Variants in ELFN1 observed in about 807,000 individuals in gnomAD.
The protein encoded by ELFN1 is protein ELFN1.
Under a neutral mutation model 7.6 loss-of-function variants are expected in ELFN1, and 6 were observed. That is an observed-to-expected ratio of 0.79 (90% CI 0.43 to 1.56). ELFN1 has a LOEUF of 1.56. ELFN1 is among the 40% of genes most tolerant of loss of function. The pLI is 0.01. For missense variants in ELFN1, 1,169 were observed against 1,232.2 expected (o/e 0.95, Z 0.77); for synonymous variants, 657 against 588.1 (o/e 1.12, Z -1.70).
intron 2 of ELFN1, among the ~76,000 whole-genome samples, chr7:1,707,588 C>T (rs1779562123): frequency 6.6e-6 from 1 of 152,230 alleles, no homozygotes; most frequent in Admixed American, 6.5e-5. Flanking sequence ...GAGCAAAGGC[C>T]TGGGGCAGAG....
intron 2 of ELFN1, among the ~76,000 whole-genome samples, chr7:1,698,332 C>T (rs1779360155): frequency 6.6e-6 from 1 of 152,236 alleles, no homozygotes. Flanking sequence ...TGGCAATTTT[C>T]TTTTCCTGCG....
rs745358632 is a variant in ELFN1, at chr7:1,745,877, C to T, written c.1281C>T (p.Phe427=). ...TCATGACCATCCTGGGCTGCCTCTT[C>T]GGCATGGTGCTGGTGCTGGGCGCCG... The part of the protein sequence containing the change: ...HYIMTILGCL[F]GMVLVLGAVY... The change falls in exon 4 of 4, where the codon TTC becomes TTT. Residue 427 remains phenylalanine (F), a synonymous_variant. Coordinates refer to ENST00000424383, the MANE Select transcript of ELFN1 (RefSeq NM_001128636.4). 4.7e-5 allele frequency: 75 copies of T among 1,591,744 alleles called. No homozygotes were observed. Among genetic ancestry groups the T allele is most frequent in the African/African-American group, 6.7e-5 (5 of 74,372 alleles).
chr7:1,702,862 G>C (rs955450658), intron 2 of ELFN1, among the ~76,000 whole-genome samples: 1 of 151,184 alleles, frequency 6.6e-6, no homozygotes, highest in Non-Finnish European at 1.5e-5. Flanking sequence ...TGCTGAATCA[G>C]AGTGGTGGCA....
rs997732252 is a variant in ELFN1, at chr7:1,705,718, C to T, written c.-455-3373C>T. 6.6e-6 allele frequency among the ~76,000 whole-genome samples: 1 copy of T among 152,244 alleles called. No individual in the cohort carries two copies. The highest frequency in any genetic ancestry group is 2.4e-5 in the African/African-American group (1 of 41,474). On this transcript the variant is annotated intron_variant, in intron 2 of 3. Coordinates refer to ENST00000424383, the MANE Select transcript of ELFN1 (RefSeq NM_001128636.4). The surrounding 1 kb of genome is among the most constrained non-coding windows in gnomAD (Gnocchi z 4.3). Reference sequence around the variant, plus strand: ...CAATTCAGTGGATGGCTTTGGGCCTCGGTTTCCTGTCCACAACATCCTGCA... The same window carrying T: ...CAATTCAGTGGATGGCTTTGGGCCTTGGTTTCCTGTCCACAACATCCTGCA...
intron 3 of ELFN1, among the ~76,000 whole-genome samples, chr7:1,713,103 G>GCT (rs1362260283): frequency 6.6e-6 from 1 of 152,144 alleles, no homozygotes; most frequent in Non-Finnish European, 1.5e-5. Flanking sequence ...GCTCCTCCAG[G>GCT]CTCACCACAG....
chr7:1,697,161 C>T (rs2128582801), intron 2 of ELFN1, among the ~76,000 whole-genome samples: 1 of 152,302 alleles, frequency 6.6e-6, no homozygotes, highest in Non-Finnish European at 1.5e-5. Context: ...GCAACTTGTG[C>T]CTCCCCAGGC....
At chr7:1,667,299 G>A (rs575796384), upstream of ELFN1, among the ~76,000 whole-genome samples, 1 of 152,122 alleles carries the variant, frequency 6.6e-6, no homozygotes, top group East Asian at 1.9e-4. The surrounding 1 kb of genome is among the most constrained non-coding windows in gnomAD (Gnocchi z 8.2). Flanking sequence ...CCTACAATCC[G>A]CGCCCTTCCT....
intron 3 of ELFN1, among the ~76,000 whole-genome samples, chr7:1,736,947 T>C (rs368209098): frequency 0.034 from 5,123 of 152,008 alleles, 276 homozygotes; most frequent in African/African-American, 0.12. Context: ...GGGGAGATGA[T>C]CCAGTTAAAG....
At position 1,746,620 on chromosome 7, in the gene ELFN1, C is replaced by T. The variant is rs1311420799; in HGVS notation, c.2024C>T (p.Pro675Leu). 14 of 1,350,476 alleles carry T rather than the reference C, an allele frequency of 1.0e-5. No homozygotes were observed. Among genetic ancestry groups the T allele is most frequent in the Non-Finnish European group, 1.3e-5 (14 of 1,056,126 alleles). The allele number at this position is 1,350,476 out of a possible 1,614,324, so 83.7% of individuals were successfully genotyped here. The change falls in exon 4 of 4, where the codon CCC (proline) becomes CTC (leucine). Residue 675 changes from proline (P) to leucine (L), a missense_variant. Physicochemically the swap from Pro to Leu is moderately conservative, Grantham distance 98. Coordinates refer to ENST00000424383, the MANE Select transcript of ELFN1 (RefSeq NM_001128636.4). ...GCCAAGTACATCGAGAAGGGCTCCC[C>T]CGCGGCCGACGCCATCCTCACTGTG... Reference protein sequence around the residue: ...AEAKYIEKGSPAADAILTVTP... With the variant: ...AEAKYIEKGSLAADAILTVTP...
intron 3 of ELFN1, among the ~76,000 whole-genome samples, chr7:1,743,963 T>C (rs1780701488): frequency 1.3e-5 from 2 of 152,208 alleles, no homozygotes; most frequent in Non-Finnish European, 2.9e-5. Flanking sequence ...GAAATGGGCT[T>C]CAGGGACCTC....
intron 3 of ELFN1, among the ~76,000 whole-genome samples, chr7:1,715,115 G>T (rs533757317): frequency 6.6e-6 from 1 of 152,320 alleles, no homozygotes; most frequent in African/African-American, 2.4e-5. Flanking sequence ...AGCCTGAGAA[G>T]GAAGCTTCTC....
At chr7:1,729,028 G>A (rs1315845344) in intron 3 of ELFN1, among the ~76,000 whole-genome samples, 1 of 152,178 alleles carries the variant, frequency 6.6e-6, no homozygotes, top group Non-Finnish European at 1.5e-5. Flanking sequence ...GCAGCCGGCT[G>A]CTCAGGAGGC....
intron 1 of ELFN1, among the ~76,000 whole-genome samples, chr7:1,679,160 C>T (rs920834210): frequency 2.0e-5 from 3 of 150,214 alleles, no homozygotes; most frequent in South Asian, 2.1e-4. Flanking sequence ...CACACACACG[C>T]GTGCACACAC....
At chr7:1,683,186 T>TG (rs1044658392) in intron 1 of ELFN1, among the ~76,000 whole-genome samples, 1 of 152,038 alleles carries the variant, frequency 6.6e-6, no homozygotes, top group African/African-American at 2.4e-5. Context: ...TTTTTTTTTT[T>TG]GAATGAGTTT....
Position 1,677,040 on chromosome 7 carries a change from G to A in ELFN1, c.-549+6686G>A, listed in dbSNP as rs976994952. On this transcript the variant is annotated intron_variant, in intron 1 of 3. Coordinates refer to ENST00000424383, the MANE Select transcript of ELFN1 (RefSeq NM_001128636.4). ...GTACTGGGTGCCGACGCTGGCAGCG[G>A]AGAGACAGAGAGGATGTAACTTCTG... is the stretch of plus-strand genomic sequence containing the variant. 2.6e-5 allele frequency among the ~76,000 whole-genome samples: 4 copies of A among 152,236 alleles called. No individual in the cohort carries two copies. The South Asian group carries it at 8.3e-4, about 32-fold the overall frequency.
At chr7:1,709,060 C>A (rs573483936) in intron 2 of ELFN1, 31 bp from the exon 3 acceptor site, 2 of 152,358 alleles carry the variant, frequency 1.3e-5, no homozygotes, top group East Asian at 3.9e-4. Flanking sequence ...CTCCATCTCT[C>A]CTCAACCTCC....
At chr7:1,675,588 C>T (rs747450118) in intron 1 of ELFN1, among the ~76,000 whole-genome samples, 38 of 152,362 alleles carry the variant, frequency 2.5e-4, no homozygotes, top group Middle Eastern at 6.8e-3. Flanking sequence ...TGTGCCCGCC[C>T]CACATGGATG....
chr7:1,677,422 G>A (rs993800543), intron 1 of ELFN1, among the ~76,000 whole-genome samples: 3 of 152,234 alleles, frequency 2.0e-5, no homozygotes, highest in Admixed American at 6.5e-5. Flanking sequence ...GGCTCTGGGT[G>A]CAGATGGGTG....
At chr7:1,680,608 T>C (rs1583312504) in intron 1 of ELFN1, among the ~76,000 whole-genome samples, 1 of 152,184 alleles carries the variant, frequency 6.6e-6, no homozygotes, top group African/African-American at 2.4e-5. Flanking sequence ...GCAGTGGTTT[T>C]CATGCATTCA....
Sources: gnomAD v4.1 joint callset for allele counts (sites outside exome capture counted in the v4.1 genomes callset) on GRCh38, gnomAD v4.1.1 for gene constraint, Gnocchi (gnomAD v3.1) non-coding constraint, MANE v1.5 for transcripts, NCBI Gene and HGNC (gene_info 2026-07-23, HGNC 2026-07-21) for gene names.